The following ANGEL1 variants were observed in gnomAD, a reference collection of about 807,000 sequenced individuals.
ANGEL1 encodes the protein angel homolog 1.
A neutral mutation model predicts 76.4 loss-of-function variants in ANGEL1; 62 were observed. That is an observed-to-expected ratio of 0.81 (90% CI 0.66 to 1.00). The LOEUF (loss-of-function observed/expected upper bound fraction) is 1.00. Among genes scored for constraint, ANGEL1 ranks in the 50% least tolerant of loss-of-function variants. ANGEL1 has a pLI of 0.00. For missense variants in ANGEL1, 737 were observed against 836.7 expected (o/e 0.88, Z 1.47); for synonymous variants, 340 against 331.7 (o/e 1.03, Z -0.27).
chr14:76,790,632 A>T lies in ANGEL1; in HGVS notation c.1831T>A (p.Cys611Ser), dbSNP rs1894376022. 1 of 1,613,642 alleles carries T rather than the reference A, an allele frequency of 6.2e-7. No individual in the cohort carries two copies. Among genetic ancestry groups the T allele is most frequent in the Non-Finnish European group, 8.5e-7 (1 of 1,179,768 alleles). The change falls in exon 9 of 10, where the codon TGT becomes AGT. Residue 611 changes from cysteine (C) to serine (S), a missense_variant. Around this residue, in one of 2 missense-constraint regions of ANGEL1, gnomAD observed 296 missense variants for 387.2 expected, o/e 0.76. Transcript: ENST00000251089. ...TTACCAGTTCTGTTCCCATTCTCACAGGACTCAGCTGAGAAGAAGATGTAA... is the reference window on the plus strand; with the variant it reads ...TTACCAGTTCTGTTCCCATTCTCACTGGACTCAGCTGAGAAGAAGATGTAA... ...VDYIFFSAES[C>S]ENGNRTDHRL...
intron 7 of ANGEL1, among the ~76,000 whole-genome samples, chr14:76,797,741 G>T (rs950160956): frequency 6.6e-6 from 1 of 152,172 alleles, no homozygotes; most frequent in Non-Finnish European, 1.5e-5. Context: ...TACAAAAATC[G>T]CCCATTAGCA....
intron 1 of ANGEL1, chr14:76,812,549 G>T: frequency 1.6e-6 from 2 of 1,245,684 alleles, no homozygotes; most frequent in Non-Finnish European, 2.0e-6. Context: ...GGCGGGAGGA[G>T]GGGCCGCCCA....
chr14:76,812,330 C>T (rs1472265069), intron 1 of ANGEL1: 14 of 1,010,906 alleles, frequency 1.4e-5, no homozygotes, highest in Non-Finnish European at 1.7e-5. Flanking sequence ...GCGTCCAGTA[C>T]TTCGGCCATA....
intron 7 of ANGEL1, among the ~76,000 whole-genome samples, chr14:76,792,721 C>T (rs767255561): frequency 1.3e-5 from 2 of 151,982 alleles, no homozygotes; most frequent in Non-Finnish European, 2.9e-5. Flanking sequence ...ACTCAAAAAA[C>T]TAGGAATAGA....
At chr14:76,812,703 C>A in intron 1 of ANGEL1, 61 bp downstream of exon 1, 1 of 1,452,112 alleles carries the variant, frequency 6.9e-7, no homozygotes, top group East Asian at 2.8e-5. Context: ...CCCAGGCCCG[C>A]GGAGCCCCGC....
At position 76,789,248 on chromosome 14, in the gene ANGEL1, T is replaced by C. The variant is rs763264909; in HGVS notation, c.1993A>G (p.Met665Val). Residue 665 changes from methionine (M) to valine (V), a missense_variant, in exon 10 of 10, where the codon ATG becomes GTG. This residue lies in a region of ANGEL1 where 296 missense variants were observed against 387.2 expected (regional missense o/e 0.76). Transcript: ENST00000251089. ...CCCTGTCATGGGGCGGTGACTTCCA[T>C]CCCGAAGCTGGCTAGCAGGCAGAGG... ...DHLCLLASFGMEVTAP is the reference protein window; with the variant it reads ...DHLCLLASFGVEVTAP 1.2e-6 allele frequency: 2 copies of C among 1,614,186 alleles called. No individual in the cohort carries two copies. The highest frequency in any genetic ancestry group is 2.2e-5 in the South Asian group (2 of 91,080).
At chr14:76,810,890 C>T (rs1895063889) in intron 1 of ANGEL1, among the ~76,000 whole-genome samples, 1 of 152,232 alleles carries the variant, frequency 6.6e-6, no homozygotes, top group African/African-American at 2.4e-5. Context: ...ATTTACAGCA[C>T]AGGACGAGTA....
intron 7 of ANGEL1, 62 bp downstream of exon 7, chr14:76,803,309 A>C (rs1894819214): frequency 5.2e-6 from 7 of 1,341,440 alleles, no homozygotes; most frequent in Non-Finnish European, 6.4e-6. Context: ...AAACCACATA[A>C]CTGACCAATA....
intron 2 of ANGEL1, 24 bp downstream of exon 2, chr14:76,809,035 C>T: frequency 6.3e-7 from 1 of 1,584,252 alleles, no homozygotes; most frequent in Non-Finnish European, 8.6e-7. Flanking sequence ...TCCCTTGGCT[C>T]ACTCAACCAG....
At chr14:76,801,882 C>T (rs1013123453) in intron 7 of ANGEL1, among the ~76,000 whole-genome samples, 1 of 152,034 alleles carries the variant, frequency 6.6e-6, no homozygotes, top group Non-Finnish European at 1.5e-5. Context: ...CTTGGCCCAG[C>T]GCGGTGGCTC....
chr14:76,799,606 T>C (rs1043127404), intron 7 of ANGEL1, among the ~76,000 whole-genome samples: 1 of 152,118 alleles, frequency 6.6e-6, no homozygotes, highest in African/African-American at 2.4e-5. Context: ...TCATGGCCCT[T>C]TTAAAATAAA....
At chr14:76,811,210 C>A (rs548148195) in intron 1 of ANGEL1, among the ~76,000 whole-genome samples, 1 of 152,162 alleles carries the variant, frequency 6.6e-6, no homozygotes, top group Non-Finnish European at 1.5e-5. Flanking sequence ...ACCAAATGAT[C>A]CGGTCCAAAA....
rs780949187 is a variant in ANGEL1, at chr14:76,790,671, C to T, written c.1792G>A (p.Gly598Arg). 1 of 1,614,154 alleles carries T rather than the reference C, an allele frequency of 6.2e-7. No homozygotes were observed. The highest frequency in any genetic ancestry group is 2.2e-5 in the East Asian group (1 of 44,888). Residue 598 changes from glycine to arginine, a missense_variant, in exon 9 of 10, where the codon GGA becomes AGA. Physicochemically the swap from Gly to Arg is moderately radical, Grantham distance 125 (BLOSUM62 -2). Coordinates refer to ENST00000251089, the MANE Select transcript of ANGEL1 (RefSeq NM_015305.4). Reference protein sequence around the residue: ...PEVTTMPLGLGMTVDYIFFSA... With the variant: ...PEVTTMPLGLRMTVDYIFFSA... ...AAGAAGATGTAATCTACTGTCATTC[C>T]AAGACCCAATGGCATTGTAGTGACC...
chr14:76,797,952 TGAAGTGGCACCTTGGG>T (rs1595298963), intron 7 of ANGEL1, among the ~76,000 whole-genome samples: 1 of 152,206 alleles, frequency 6.6e-6, no homozygotes, highest in East Asian at 1.9e-4. Context: ...CCCACGGTGA[TGAAGTGGCACCTTGGG>T]AGGTGATTAG....
chr14:76,804,377 T>A (rs1339859490), intron 5 of ANGEL1: 1 of 1,024,070 alleles, frequency 9.8e-7, no homozygotes, highest in Non-Finnish European at 1.2e-6. Context: ...CACTTTACCG[T>A]ATCTACGTCA....
At position 76,789,935 on chromosome 14, in the gene ANGEL1, G is replaced by C. The variant is rs956310521; in HGVS notation, c.1853-547C>G. ...GCTGGAGTGCAGTGGCACGATCTCG[G>C]CTCACTGTAACCTCTGCCTCCCGAG... On this transcript the variant is annotated intron_variant, in intron 9 of 9. Coordinates refer to ENST00000251089, the MANE Select transcript of ANGEL1 (RefSeq NM_015305.4). Among the ~76,000 whole-genome samples, 6 of 151,042 alleles carry C rather than the reference G, an allele frequency of 4.0e-5. 1 individual carries two copies.
chr14:76,812,839 C>A lies in ANGEL1; in HGVS notation c.-12G>T, dbSNP rs1462236122. 15 of 1,507,086 alleles carry A rather than the reference C, an allele frequency of 1.0e-5. No individual in the cohort carries two copies. Among genetic ancestry groups the A allele is most frequent in the Middle Eastern group, 1.7e-4 (1 of 5,776 alleles). The allele number at this position is 1,507,086 out of a possible 1,614,324, so 93.4% of individuals were successfully genotyped here. On this transcript the variant is annotated 5_prime_UTR_variant, in exon 1 of 10. Coordinates refer to ENST00000251089, the MANE Select transcript of ANGEL1 (RefSeq NM_015305.4). ...CACGACGCGATCATGGCCGGCCGCCCGCGCCCGCCTCCGCTCCTCACTGCA... is the reference window on the plus strand; with the variant it reads ...CACGACGCGATCATGGCCGGCCGCCAGCGCCCGCCTCCGCTCCTCACTGCA...
At chr14:76,803,251 G>A (rs1053415262) in intron 7 of ANGEL1, 120 bp downstream of exon 7, 11 of 774,502 alleles carry the variant, frequency 1.4e-5, no homozygotes, top group African/African-American at 1.2e-4. Flanking sequence ...CTAAATATAC[G>A]TATTACCAGA....
At chr14:76,812,002 C>A (rs1315903537) in intron 1 of ANGEL1, among the ~76,000 whole-genome samples, 1 of 152,190 alleles carries the variant, frequency 6.6e-6, no homozygotes, top group East Asian at 1.9e-4. Context: ...GGCAAAAAGT[C>A]TGCGAGTTCC....
Sources: gnomAD v4.1 joint callset for allele counts (sites outside exome capture counted in the v4.1 genomes callset) on GRCh38, gnomAD v4.1.1 for gene constraint, gnomAD v4.1.1 regional missense constraint, MANE v1.5 for transcripts, NCBI Gene and HGNC (gene_info 2026-07-23, HGNC 2026-07-21) for gene names.